The following LZTS1 variants were observed in gnomAD, a reference collection of about 807,000 sequenced individuals.
LZTS1 encodes leucine zipper putative tumor suppressor 1.
In LZTS1, 31 loss-of-function variants were observed where a neutral mutation model predicts 45.8. The observed-to-expected ratio is 0.68, with a 90% confidence interval of 0.51 to 0.91. LZTS1 has a LOEUF of 0.91. Among genes scored for constraint, LZTS1 ranks in the 40% least tolerant of loss-of-function variants. The pLI is 0.00. For missense variants in LZTS1, 821 were observed against 788.9 expected (o/e 1.04, Z -0.49); for synonymous variants, 359 against 357.3 (o/e 1.00, Z -0.05).
At chr8:20,299,735 G>A (rs866152959) in intron 1 of LZTS1, among the ~76,000 whole-genome samples, 4 of 151,806 alleles carry the variant, frequency 2.6e-5, no homozygotes, top group Admixed American at 6.6e-5. Context: ...GCGTCGCCTC[G>A]GAGAAATCAT....
chr8:20,250,305 G>A lies in LZTS1; in HGVS notation c.1208C>T (p.Thr403Met), dbSNP rs141630311. Residue 403 changes from threonine (T) to methionine (M), a missense_variant, in exon 4 of 4, where the codon ACG becomes ATG. By Grantham distance (81) the Thr-to-Met change is moderately conservative (BLOSUM62 -1). Transcript: ENST00000381569. ...LLKQQLKESQTEVNAKASEIL... is the reference protein window; with the variant it reads ...LLKQQLKESQMEVNAKASEIL... ...CTCGCTAGCCTTGGCGTTCACCTCC[G>A]TCTGGGACTCCTTCAGCTGCTGCTT... The A allele has an allele frequency of 5.8e-4, 932 of 1,613,142 alleles. 10 individuals carry two copies. Among genetic ancestry groups the A allele is most frequent in the Non-Finnish European group, 1.2e-4 (136 of 1,179,758 alleles).
chr8:20,294,125 A>G (rs552536832), intron 1 of LZTS1, among the ~76,000 whole-genome samples: 28 of 152,226 alleles, frequency 1.8e-4, no homozygotes, highest in African/African-American at 6.7e-4. Flanking sequence ...AGAGTATCTG[A>G]AGTTTTTTCA....
At chr8:20,295,478 G>A (rs930824210) in intron 1 of LZTS1, among the ~76,000 whole-genome samples, 15 of 152,286 alleles carry the variant, frequency 9.8e-5, no homozygotes, top group Admixed American at 3.3e-4. Context: ...AAGTGGCTGG[G>A]TAGAAAGAAG....
At chr8:20,293,665 G>C (rs902888645) in intron 1 of LZTS1, among the ~76,000 whole-genome samples, 6 of 152,214 alleles carry the variant, frequency 3.9e-5, no homozygotes, top group Non-Finnish European at 5.9e-5. Context: ...GAGCACAGTA[G>C]CTCACGCCTA....
chr8:20,269,010 G>C (rs920075125), intron 1 of LZTS1, among the ~76,000 whole-genome samples: 1 of 152,106 alleles, frequency 6.6e-6, no homozygotes, highest in Non-Finnish European at 1.5e-5. Flanking sequence ...ATCCCGGTGG[G>C]CAGCTTGTGT....
intron 1 of LZTS1, among the ~76,000 whole-genome samples, chr8:20,277,515 A>G (rs1800607876): frequency 6.6e-6 from 1 of 152,222 alleles, no homozygotes; most frequent in Non-Finnish European, 1.5e-5. Context: ...GCAAGGTCCA[A>G]GAACCCTCTC....
In LZTS1 at chr8:20,256,082, AAAG is replaced by A. The variant is rs1480594189; in HGVS notation, c.-134-770_-134-768del. Among the ~76,000 whole-genome samples the A allele has an allele frequency of 5.3e-3, 787 of 147,484 alleles. 10 individuals are homozygous for A. Among genetic ancestry groups the A allele is most frequent in the African/African-American group, 0.019 (730 of 37,872 alleles). ...ACTCAAAAAAAAAAAAAAAAAAAAA[AAAG>A]AAGAAGAAGAAAAGAAAATGAGGTG... On this transcript the variant is annotated intron_variant, in intron 1 of 3. Coordinates refer to ENST00000381569, the MANE Select transcript of LZTS1 (RefSeq NM_021020.5).
chr8:20,298,678 C>A (rs1417739008), intron 1 of LZTS1, among the ~76,000 whole-genome samples: 1 of 152,114 alleles, frequency 6.6e-6, no homozygotes. Flanking sequence ...GCCTGAGCAA[C>A]ATAGCGAGAC....
chr8:20,300,172 A>C (rs1390191849), intron 1 of LZTS1, among the ~76,000 whole-genome samples: 1 of 152,166 alleles, frequency 6.6e-6, no homozygotes, highest in African/African-American at 2.4e-5. Context: ...GAGGAAGGAA[A>C]GTCAGTGGCC....
rs1800056193 is a variant in LZTS1, at chr8:20,254,948, A to T, written c.234T>A (p.His78Gln). Residue 78 changes from histidine (H) to glutamine (Q), a missense_variant, in exon 2 of 4, where the codon CAT (histidine) becomes CAA (glutamine). Physicochemically the swap from His to Gln is conservative, Grantham distance 24. Transcript: ENST00000381569. The stretch of plus-strand genomic sequence containing the variant: ...TGGACAGTGCCGTGTAATCTGGGTG[A>T]TGGGAGCCCCGGGCTTTCTGGCTGA... ...IKVSQKARGSHHPDYTALSSG... is the reference protein window; with the variant it reads ...IKVSQKARGSQHPDYTALSSG... The T allele has an allele frequency of 1.9e-6, 3 of 1,614,040 alleles. No individual in the cohort carries two copies. In the South Asian group the frequency reaches 3.3e-5, roughly 18 times the overall value.
rs563688500 is a variant in LZTS1 at position 20,248,014 on chromosome 8, AAAG to A, written c.*1705_*1707del. The A allele has an allele frequency of 1.3e-5, 2 of 152,776 alleles. No individual in the cohort carries two copies. The highest frequency in any genetic ancestry group is 4.8e-5 in the African/African-American group (2 of 41,570). 9.5% of individuals were successfully genotyped at this position (152,776 alleles called of 1,614,324 possible). A position where few individuals can be genotyped will look rare whatever the true frequency, so the allele number is the denominator to read the frequency against. Reference sequence around the variant, plus strand: ...AGACAAGAAAGCAAAAAAGAAAAAGAAAGAAGAATAAAAGAAAAATCTGGCCAG... The same window carrying A: ...AGACAAGAAAGCAAAAAAGAAAAAGAAAGAATAAAAGAAAAATCTGGCCAG... On this transcript the variant is annotated 3_prime_UTR_variant, in exon 4 of 4. Transcript: ENST00000381569.
chr8:20,286,682 A>G (rs1451815424), intron 1 of LZTS1, among the ~76,000 whole-genome samples: 1 of 152,294 alleles, frequency 6.6e-6, no homozygotes, highest in African/African-American at 2.4e-5. Flanking sequence ...TCACTTAAAG[A>G]CCTAGCAGTT....
chr8:20,296,478 C>T (rs1800980942), intron 1 of LZTS1, among the ~76,000 whole-genome samples: 1 of 152,244 alleles, frequency 6.6e-6, no homozygotes, highest in Admixed American at 6.5e-5. Flanking sequence ...CCAGGCATGG[C>T]ATCGGGGAGG....
At chr8:20,298,144 C>G (rs1441540259) in intron 1 of LZTS1, among the ~76,000 whole-genome samples, 1 of 152,126 alleles carries the variant, frequency 6.6e-6, no homozygotes, top group African/African-American at 2.4e-5. Context: ...TCACTGCAAC[C>G]TCCACCTCCC....
chr8:20,258,703 C>T (rs765358085), intron 1 of LZTS1, among the ~76,000 whole-genome samples: 2 of 152,124 alleles, frequency 1.3e-5, no homozygotes, highest in African/African-American at 4.8e-5. Flanking sequence ...AACATTTACT[C>T]AATACTTAGT....
In LZTS1 at chr8:20,261,311, G is replaced by A. The variant is rs568701753; in HGVS notation, c.-134-5996C>T. ...TAGACCTTAAGAGAAGAGAGAAAAA[G>A]AGAAAAGAAACCCAAAGCAGCTGGG... is the stretch of plus-strand genomic sequence containing the variant. On this transcript the variant is annotated intron_variant, in intron 1 of 3. Coordinates refer to ENST00000381569, the MANE Select transcript of LZTS1 (RefSeq NM_021020.5). Among the ~76,000 whole-genome samples the A allele has an allele frequency of 9.2e-5, 14 of 152,224 alleles. No homozygotes were observed. The East Asian group carries it at 2.7e-3, about 29-fold the overall frequency.
At chr8:20,278,174 C>T (rs1395105558) in intron 1 of LZTS1, among the ~76,000 whole-genome samples, 1 of 152,168 alleles carries the variant, frequency 6.6e-6, no homozygotes, top group Non-Finnish European at 1.5e-5. Flanking sequence ...ACACCTGAAG[C>T]TGGTGATCAG....
chr8:20,253,138 C>A lies in LZTS1; in HGVS notation c.793G>T (p.Glu265Ter). The change falls in exon 3 of 4, where the codon GAG becomes TAG. Residue 265 changes from glutamate to a stop codon, truncating the protein, a stop_gained. Coordinates refer to ENST00000381569, the MANE Select transcript of LZTS1 (RefSeq NM_021020.5). LOFTEE classifies it high-confidence loss of function. ...CTCTCCAACAGCTTCTGCTCCAGCT[C>A]CTGGATGCTGCACTCGTCCGTGGAG... ...PISTDECSIQ[E>*]LEQKLLEREG... is the part of the protein sequence containing the mutation. The A allele has an allele frequency of 1.9e-6, 3 of 1,612,966 alleles. No individual in the cohort carries two copies. The highest frequency in any genetic ancestry group is 2.5e-6 in the Non-Finnish European group (3 of 1,179,848).
chr8:20,287,897 C>CAAAAAAAAA (rs34653802), intron 1 of LZTS1, among the ~76,000 whole-genome samples: 1 of 54,118 alleles, frequency 1.8e-5, no homozygotes, highest in East Asian at 6.6e-4. Context: ...GCACTCCAGC[C>CAAAAAAAAA]AAAAAAAAAA....
Sources: gnomAD v4.1 joint callset for allele counts (sites outside exome capture counted in the v4.1 genomes callset) on GRCh38, gnomAD v4.1.1 for gene constraint, MANE v1.5 for transcripts, NCBI Gene and HGNC (gene_info 2026-07-23, HGNC 2026-07-21) for gene names.